ZCWPW1: variants seen among roughly 807,000 people sequenced by gnomAD.
The protein encoded by ZCWPW1 is zinc finger CW-type and PWWP domain containing 1, also known as zinc finger CW-type PWWP domain protein 1.
ZCWPW1 carries 56 observed loss-of-function variants against 81.3 expected under a neutral mutation model. That is an observed-to-expected ratio of 0.69 (90% CI 0.56 to 0.86). ZCWPW1 has a LOEUF of 0.86. ZCWPW1 is among the 40% of genes least tolerant of loss of function. The pLI, the probability that ZCWPW1 is intolerant of heterozygous loss-of-function variation, is 0.00. For missense variants in ZCWPW1, 650 were observed against 769.8 expected, an observed-to-expected ratio of 0.84 and a Z score of 1.84; for synonymous variants, 250 against 273.7, an observed-to-expected ratio of 0.91 and a Z score of 0.86.
At chr7:100,407,941 C>T (rs1427820351) in intron 10 of ZCWPW1, among the ~76,000 whole-genome samples, 1 of 152,088 alleles carries the variant, frequency 6.6e-6, no homozygotes, top group Non-Finnish European at 1.5e-5. Flanking sequence ...CTTTGTCTCT[C>T]TCAATCTCAA....
At chr7:100,410,885 T>G (rs1794020429) in intron 8 of ZCWPW1, among the ~76,000 whole-genome samples, 1 of 152,236 alleles carries the variant, frequency 6.6e-6, no homozygotes, top group South Asian at 2.1e-4. Flanking sequence ...TCTGTTCCAC[T>G]CTGGTTTGAT....
At position 100,405,102 on chromosome 7, in the gene ZCWPW1, G is replaced by T; in HGVS notation, c.1174-9C>A. ...TCATTTCTGCGCTTTTTCTGAAATA[G>T]AAGATTAGAGCCAATGATAAATATT... is the stretch of plus-strand genomic sequence containing the variant. On this transcript the variant is annotated splice_polypyrimidine_tract_variant and intron_variant, in intron 12 of 17. Coordinates refer to ENST00000684423, the MANE Select transcript of ZCWPW1 (RefSeq NM_001386010.1). 1 of 1,610,730 alleles carries T rather than the reference G, an allele frequency of 6.2e-7. No homozygotes were observed. The highest frequency in any genetic ancestry group is 8.5e-7 in the Non-Finnish European group (1 of 1,178,626).
At chr7:100,426,492 CAA>C (rs1239534406) in intron 1 of ZCWPW1, among the ~76,000 whole-genome samples, 25 of 72,228 alleles carry the variant, frequency 3.5e-4, no homozygotes, top group Admixed American at 1.3e-3. Context: ...GACTCTGTCT[CAA>C]AAAAAAAAAA....
In ZCWPW1 at chr7:100,407,181, C is replaced by T. The variant is rs762724424; in HGVS notation, c.1068+47G>A. 3.8e-6 allele frequency: 6 copies of T among 1,560,344 alleles called. No homozygotes were observed. The East Asian group carries it at 6.7e-5, about 17-fold the overall frequency. ...GTACGTCTGTGAGGATGGATTTGTTCATTACTTTGGCCTGAGCTCCTTCTT... is the reference window on the plus strand; with the variant it reads ...GTACGTCTGTGAGGATGGATTTGTTTATTACTTTGGCCTGAGCTCCTTCTT... On this transcript the variant is annotated intron_variant, in intron 11 of 17. Transcript: ENST00000684423.
intron 8 of ZCWPW1, among the ~76,000 whole-genome samples, chr7:100,413,108 A>G (rs1192297099): frequency 6.6e-6 from 1 of 152,178 alleles, no homozygotes; most frequent in South Asian, 2.1e-4. Flanking sequence ...TAACTGGTCT[A>G]TTCTTCTTTT....
intron 14 of ZCWPW1, 141 bp from the exon 15 acceptor site, chr7:100,403,926 T>C (rs1193842074): frequency 3.1e-6 from 3 of 982,620 alleles, no homozygotes; most frequent in Non-Finnish European, 4.7e-6. Context: ...TGATCCCAGA[T>C]TTCCACCCTT....
chr7:100,420,723 G>A, intron 2 of ZCWPW1, 45 bp from the exon 3 acceptor site: 1 of 1,580,000 alleles, frequency 6.3e-7, no homozygotes, highest in South Asian at 1.1e-5. Flanking sequence ...GATTAAACAA[G>A]ATTTTAAACT....
chr7:100,418,513 C>T (rs1795765414), intron 5 of ZCWPW1, among the ~76,000 whole-genome samples: 1 of 152,070 alleles, frequency 6.6e-6, no homozygotes. Flanking sequence ...AAACAACAGG[C>T]TGGGTGCAGT....
intron 2 of ZCWPW1, among the ~76,000 whole-genome samples, chr7:100,424,619 C>T (rs1443330046): frequency 6.6e-6 from 1 of 151,566 alleles, no homozygotes. Context: ...GCACCACCAC[C>T]CCCAGCTAAT....
At chr7:100,408,415 C>T (rs1793500956) in intron 10 of ZCWPW1, 124 bp downstream of exon 10, 2 of 1,339,204 alleles carry the variant, frequency 1.5e-6, no homozygotes, top group Non-Finnish European at 2.1e-6. Flanking sequence ...TTTCTCTCAC[C>T]CCATGCTCTT....
At chr7:100,407,378 A>G (rs769496543) in intron 10 of ZCWPW1, 75 bp from the exon 11 acceptor site, 33 of 1,308,562 alleles carry the variant, frequency 2.5e-5, no homozygotes, top group Non-Finnish European at 1.5e-5. Context: ...ATCAATGTAC[A>G]TGCACAGAGA....
At chr7:100,403,660 T>C in intron 15 of ZCWPW1, 34 bp downstream of exon 15, 1 of 1,555,984 alleles carries the variant, frequency 6.4e-7, no homozygotes. Flanking sequence ...TCCATCTCTA[T>C]AAAAATAAAA....
At chr7:100,419,289 T>C (rs1795927603) in intron 4 of ZCWPW1, 100 bp from the exon 5 acceptor site, 1 of 1,041,452 alleles carries the variant, frequency 9.6e-7, no homozygotes, top group Non-Finnish European at 1.4e-6. Context: ...AGTAAGTTTA[T>C]AAGACGGAAG....
At chr7:100,406,428 C>T (rs1793022115) in intron 12 of ZCWPW1, among the ~76,000 whole-genome samples, 1 of 152,102 alleles carries the variant, frequency 6.6e-6, no homozygotes, top group Admixed American at 6.5e-5. Flanking sequence ...CTCATTTCTG[C>T]CACACCTGCT....
intron 8 of ZCWPW1, 78 bp downstream of exon 8, chr7:100,415,897 T>C: frequency 1.3e-6 from 2 of 1,578,868 alleles, no homozygotes; most frequent in Non-Finnish European, 1.7e-6. Context: ...CAGAGGTTCC[T>C]CTAACATCCT....
In ZCWPW1 at chr7:100,419,515, A is replaced by G. The variant is rs960643062; in HGVS notation, c.282+115T>C. 16 of 1,495,722 alleles carry G rather than the reference A, an allele frequency of 1.1e-5. No homozygotes were observed. The African/African-American group carries it at 1.8e-4, about 17-fold the overall frequency. The allele number at this position is 1,495,722 out of a possible 1,614,324, so 92.7% of individuals were successfully genotyped here. A position where few individuals can be genotyped will look rare whatever the true frequency, so the allele number is the denominator to read the frequency against. On this transcript the variant is annotated intron_variant, in intron 4 of 17. Transcript: ENST00000684423. ...AAGGAAGCCCTCAAAAAGGAATACA[A>G]ACCTGAAACTCTAGGGTGAATTTCC...
intron 3 of ZCWPW1, 39 bp downstream of exon 3, chr7:100,420,583 A>G (rs1329771965): frequency 6.2e-7 from 1 of 1,613,574 alleles, no homozygotes; most frequent in South Asian, 1.1e-5. Flanking sequence ...GAAAAATGAG[A>G]GAAATGTATG....
At chr7:100,403,451 G>A (rs1312040437) in intron 15 of ZCWPW1, among the ~76,000 whole-genome samples, 4 of 151,872 alleles carry the variant, frequency 2.6e-5, no homozygotes, top group Non-Finnish European at 5.9e-5. Flanking sequence ...TCCTGACCTC[G>A]TGATCCGCTT....
At position 100,402,459 on chromosome 7, in the gene ZCWPW1, C is replaced by G. The variant is rs973326568; in HGVS notation, c.1474+57G>C. ...GTCCAGCTACCTGCAGACTCCCTCT[C>G]TACCACTTCCCTGCCTTAACTGTGG... On this transcript the variant is annotated intron_variant, in intron 16 of 17. Transcript: ENST00000684423. 36 of 1,591,692 alleles carry G rather than the reference C, an allele frequency of 2.3e-5. No individual in the cohort carries two copies. In the African/African-American group the frequency reaches 4.4e-4, roughly 20 times the overall value.
Sources: allele counts gnomAD v4.1 joint callset (sites outside exome capture counted in the v4.1 genomes callset), GRCh38; gene constraint gnomAD v4.1.1; transcripts MANE v1.5; gene names NCBI Gene and HGNC (gene_info 2026-07-23, HGNC 2026-07-21).